The following KIF1A variants were observed in gnomAD, a reference collection of about 807,000 sequenced individuals.
KIF1A encodes the protein kinesin family member 1A.
Under a neutral mutation model 227.3 loss-of-function variants are expected in KIF1A, and 46 were observed. The ratio of observed to expected loss-of-function variants is 0.20; its 90% CI spans 0.16 to 0.26. The LOEUF (loss-of-function observed/expected upper bound fraction) is 0.26, where lower values mean the gene tolerates loss of function less well. Ranked by LOEUF, KIF1A falls within the 10% of genes least tolerant of loss-of-function variation. The pLI is 1.00. For synonymous variants in KIF1A, 1,022 were observed against 1,012.8 expected (o/e 1.01, Z -0.17); for missense variants, 1,683 against 2,485.9 (o/e 0.68, Z 6.87).
rs759002821 is a variant in KIF1A at position 240,797,738 on chromosome 2, C to T, written c.15G>A (p.Ser5=). ...GGCGGACCCGCACCGCCACCTTCAC[C>T]GAAGCCCCGGCCATCTCTGTGGCCT... MAGA[S]VKVAVRVRPF... Residue 5 remains serine, a synonymous_variant, in exon 2 of 49, where the codon TCG becomes TCA. Transcript: ENST00000498729. The T allele has an allele frequency of 6.2e-6, 10 of 1,610,036 alleles. No homozygotes were observed. The highest frequency in any genetic ancestry group is 2.2e-5 in the East Asian group (1 of 44,862).
rs1047881245 is a variant in KIF1A at position 240,752,973 on chromosome 2, TACCCCCAAAG to T, written c.2859-2436_2859-2427del. ...AGACAGGGTCAGACACTACCTTTCCTACCCCCAAAGACCCATCACCACAGCTGCCTTCCCA... is the reference window on the plus strand; with the variant it reads ...AGACAGGGTCAGACACTACCTTTCCTACCCATCACCACAGCTGCCTTCCCA... On this transcript the variant is annotated intron_variant, in intron 27 of 48. Coordinates refer to ENST00000498729, the MANE Select transcript of KIF1A (RefSeq NM_001244008.2). The surrounding 1 kb of genome is among the most constrained non-coding windows in gnomAD (Gnocchi z 6.4). Among the ~76,000 whole-genome samples, 4 of 152,132 alleles carry T rather than the reference TACCCCCAAAG, an allele frequency of 2.6e-5. No individual in the cohort carries two copies. The highest frequency in any genetic ancestry group is 2.6e-4 in the Admixed American group (4 of 15,288).
chr2:240,783,182 G>T, intron 8 of KIF1A, 73 bp from the exon 9 acceptor site: 2 of 1,184,726 alleles, frequency 1.7e-6, no homozygotes, highest in Non-Finnish European at 2.5e-6. Context: ...GGGATGCCCT[G>T]GGTGGACCTG....
chr2:240,744,510 A>T (rs2048361735), intron 32 of KIF1A, among the ~76,000 whole-genome samples: 1 of 152,206 alleles, frequency 6.6e-6, no homozygotes, highest in African/African-American at 2.4e-5. Flanking sequence ...CTTTACAGAG[A>T]AAACGGAGTT....
intron 32 of KIF1A, 91 bp downstream of exon 32, chr2:240,745,336 G>T: frequency 9.9e-7 from 1 of 1,009,214 alleles, no homozygotes; most frequent in Non-Finnish European, 1.5e-6. Flanking sequence ...CCCACAACTG[G>T]TGTTCAGAAG....
chr2:240,717,913 G>T, intron 48 of KIF1A, 137 bp downstream of exon 48: 1 of 697,000 alleles, frequency 1.4e-6, no homozygotes. Flanking sequence ...AATGGTCCCC[G>T]CCAGGAGGGG....
intron 47 of KIF1A, among the ~76,000 whole-genome samples, 154 bp downstream of exon 47, chr2:240,718,852 G>A (rs902756901): frequency 3.9e-5 from 6 of 152,240 alleles, no homozygotes; most frequent in Admixed American, 3.3e-4. Flanking sequence ...GATCCCTGAG[G>A]CTGAGTCCCT....
At chr2:240,815,136 G>A (rs1193882700) in intron 1 of KIF1A, among the ~76,000 whole-genome samples, 5 of 152,194 alleles carry the variant, frequency 3.3e-5, no homozygotes, top group African/African-American at 1.2e-4. Flanking sequence ...CCAGAAGCAG[G>A]AGAGTGGGGA....
At chr2:240,747,944 C>T (rs2048793668) in intron 28 of KIF1A, among the ~76,000 whole-genome samples, 2 of 152,262 alleles carry the variant, frequency 1.3e-5, no homozygotes, top group African/African-American at 2.4e-5. Flanking sequence ...AAACTGACCT[C>T]GCCCGGGTCA....
At position 240,767,005 on chromosome 2, in the gene KIF1A, C is replaced by A. The variant is rs757193565; in HGVS notation, c.1594G>T (p.Gly532Cys). The A allele has an allele frequency of 1.9e-6, 3 of 1,611,188 alleles. No homozygotes were observed. The East Asian group carries it at 6.7e-5, about 36-fold the overall frequency. The part of the protein sequence containing the change: ...DGITRVGRED[G>C]ERRQDIVLSG... ...AGAACAATGTCCTGCCGCCTCTCGC[C>A]ATCCTCCCTGCCCACTCTGCGGGGT... Residue 532 changes from glycine to cysteine, a missense_variant, in exon 19 of 49, where the codon GGC becomes TGC. By Grantham distance (159) the Gly-to-Cys change is radical (BLOSUM62 -3). This residue lies in a region of KIF1A where 217 missense variants were observed against 427.0 expected (regional missense o/e 0.51). Transcript: ENST00000498729.
At chr2:240,816,535 C>A (rs374833289) in intron 1 of KIF1A, among the ~76,000 whole-genome samples, 1 of 152,216 alleles carries the variant, frequency 6.6e-6, no homozygotes, top group African/African-American at 2.4e-5. Flanking sequence ...TACCCCAAGG[C>A]GTCCTGAAAT....
At chr2:240,786,584 G>T in intron 5 of KIF1A, 71 bp from the exon 6 acceptor site, 1 of 1,435,000 alleles carries the variant, frequency 7.0e-7, no homozygotes, top group Non-Finnish European at 9.7e-7. Context: ...GGGGACCCCT[G>T]AGTGAGGGGG....
intron 38 of KIF1A, chr2:240,734,624 C>T (rs1039455714): frequency 6.6e-6 from 6 of 903,570 alleles, no homozygotes; most frequent in African/African-American, 3.5e-5. Context: ...TGGAAGTTAA[C>T]TTCTCAGGGG....
Position 240,722,578 on chromosome 2 carries a change from G to A in KIF1A, c.4543C>T (p.Pro1515Ser). 1.9e-6 allele frequency: 3 copies of A among 1,560,836 alleles called. No homozygotes were observed. The highest frequency in any genetic ancestry group is 2.7e-5 in the African/African-American group (2 of 73,762). The change falls in exon 43 of 49, where the codon CCG becomes TCG. Residue 1515 changes from proline to serine, a missense_variant. By Grantham distance (74) the Pro-to-Ser change is moderately conservative. Transcript: ENST00000498729. Reference protein sequence around the residue: ...AQRPVPEALSPAFSEDSESHG... With the variant: ...AQRPVPEALSSAFSEDSESHG... ...GACTCAGAGTCCTCGCTGAAGGCCG[G>A]GGACAGTGCCTCCGGGACAGGCCGC... is the stretch of plus-strand genomic sequence containing the variant.
At chr2:240,786,263 G>C in intron 6 of KIF1A, 72 bp downstream of exon 6, 1 of 1,466,646 alleles carries the variant, frequency 6.8e-7, no homozygotes, top group Non-Finnish European at 9.5e-7. Flanking sequence ...CAGGACCGAG[G>C]TGAAGGGGCT....
At chr2:240,779,637 T>C (rs1275246837) in intron 10 of KIF1A, among the ~76,000 whole-genome samples, 4 of 147,118 alleles carry the variant, frequency 2.7e-5, no homozygotes, top group Admixed American at 2.7e-4. Flanking sequence ...CACACTCAGT[T>C]CCTCACTCAC....
chr2:240,812,938 G>A (rs1489654824), intron 1 of KIF1A, among the ~76,000 whole-genome samples: 29 of 147,894 alleles, frequency 2.0e-4, no homozygotes, highest in African/African-American at 5.5e-4. Context: ...TTCACCTCGG[G>A]GATCCGCCTT....
rs1348120263 is a variant in KIF1A, at chr2:240,736,149, A to G, written c.4007+914T>C. Among the ~76,000 whole-genome samples the G allele has an allele frequency of 1.3e-5, 2 of 152,026 alleles. No individual in the cohort carries two copies. The highest frequency in any genetic ancestry group is 3.9e-4 in the East Asian group (2 of 5,168). On this transcript the variant is annotated intron_variant, in intron 38 of 48. Transcript: ENST00000498729. This position sits in a 1 kb window ranked among gnomAD's most constrained non-coding sequence, Gnocchi z 4.7. ...ACCCAAGTCAGAAGAATAGGAGACGACGCCCGCCAGGACCCTCCTTCCTTA... is the reference window on the plus strand; with the variant it reads ...ACCCAAGTCAGAAGAATAGGAGACGGCGCCCGCCAGGACCCTCCTTCCTTA...
At chr2:240,812,173 C>T (rs1427356891) in intron 1 of KIF1A, among the ~76,000 whole-genome samples, 3 of 152,204 alleles carry the variant, frequency 2.0e-5, no homozygotes, top group Non-Finnish European at 4.4e-5. Context: ...TCCCCTGTTG[C>T]TTTGGGGCTC....
intron 44 of KIF1A, among the ~76,000 whole-genome samples, chr2:240,721,594 C>T (rs569441279): frequency 5.3e-5 from 8 of 152,314 alleles, no homozygotes; most frequent in South Asian, 4.1e-4. Context: ...AGGACCCACC[C>T]GGCCCCTCAC....
Sources: gnomAD v4.1 joint callset for allele counts (sites outside exome capture counted in the v4.1 genomes callset) on GRCh38, gnomAD v4.1.1 for gene constraint, gnomAD v4.1.1 regional missense constraint, Gnocchi (gnomAD v3.1) non-coding constraint, MANE v1.5 for transcripts, NCBI Gene and HGNC (gene_info 2026-07-23, HGNC 2026-07-21) for gene names.